ABTB2: variants seen among roughly 807,000 people sequenced by gnomAD.
The protein encoded by ABTB2 is ankyrin repeat and BTB/POZ domain-containing protein 2.
A neutral mutation model predicts 104.1 loss-of-function variants in ABTB2; 56 were observed. The ratio of observed to expected loss-of-function variants is 0.54; its 90% CI spans 0.43 to 0.67. ABTB2 has a LOEUF of 0.67. Ranked by LOEUF, ABTB2 falls within the 30% of genes least tolerant of loss-of-function variation. The pLI, the probability that ABTB2 is intolerant of heterozygous loss-of-function variation, is 0.00. For missense variants in ABTB2, 1,279 were observed against 1,407.7 expected, an observed-to-expected ratio of 0.91 and a Z score of 1.46; for synonymous variants, 606 against 608.2, an observed-to-expected ratio of 1.00 and a Z score of 0.05.
intron 1 of ABTB2, among the ~76,000 whole-genome samples, chr11:34,275,961 T>C (rs1041159556): frequency 2.0e-5 from 3 of 152,144 alleles, no homozygotes; most frequent in South Asian, 2.1e-4. Flanking sequence ...TGCTAGACGG[T>C]AGAGAGGCTC....
chr11:34,218,618 G>C (rs926056256), intron 1 of ABTB2, among the ~76,000 whole-genome samples: 3 of 152,034 alleles, frequency 2.0e-5, no homozygotes, highest in African/African-American at 7.2e-5. Flanking sequence ...GGGAGGCTGA[G>C]GTGGGCAGAT....
chr11:34,356,853 G>T lies in ABTB2; in HGVS notation c.731C>A (p.Ala244Asp). 1 of 1,605,256 alleles carries T rather than the reference G, an allele frequency of 6.2e-7. No homozygotes were observed. The change falls in exon 1 of 17, where the codon GCC becomes GAC. Residue 244 changes from alanine to aspartate, a missense_variant. Transcript: ENST00000435224. This position sits in a 1 kb window ranked among gnomAD's most constrained non-coding sequence, Gnocchi z 4.6. Reference protein sequence around the residue: ...CMENLVEEIRARVMASHSPDG... With the variant: ...CMENLVEEIRDRVMASHSPDG... ...AGGGCTGTGGCTGGCCATCACCCTG[G>T]CCCGGATCTCCTCCACCAGGTTCTC...
At position 34,210,422 on chromosome 11, in the gene ABTB2, A is replaced by G. The variant is rs75940916; in HGVS notation, c.884-5732T>C. 1.4e-3 allele frequency among the ~76,000 whole-genome samples: 210 copies of G among 152,296 alleles called. 1 individual carries two copies. Among genetic ancestry groups the G allele is most frequent in the African/African-American group, 4.6e-3 (191 of 41,546 alleles). The stretch of plus-strand genomic sequence containing the variant: ...TGGTTTAATTTCCTCCAGAGCTATA[A>G]CACCACCACTTTCCCCCATATACAC... On this transcript the variant is annotated intron_variant, in intron 1 of 16. Transcript: ENST00000435224.
At chr11:34,158,003 G>T (rs543919807) in intron 14 of ABTB2, among the ~76,000 whole-genome samples, 1 of 152,204 alleles carries the variant, frequency 6.6e-6, no homozygotes, top group Non-Finnish European at 1.5e-5. Flanking sequence ...ACCAAGAGGG[G>T]ATAATAACAT....
At chr11:34,271,014 G>A (rs1037303623) in intron 1 of ABTB2, among the ~76,000 whole-genome samples, 11 of 152,112 alleles carry the variant, frequency 7.2e-5, no homozygotes, top group African/African-American at 2.4e-4. Flanking sequence ...CCAGAGGTGG[G>A]GATGGGTGGG....
At chr11:34,333,097 C>G (rs1855151897) in intron 1 of ABTB2, among the ~76,000 whole-genome samples, 1 of 152,118 alleles carries the variant, frequency 6.6e-6, no homozygotes, top group Non-Finnish European at 1.5e-5. Flanking sequence ...CTAATCCAAC[C>G]CTATAGCACA....
chr11:34,346,983 G>A (rs1855339747), intron 1 of ABTB2, among the ~76,000 whole-genome samples: 1 of 152,236 alleles, frequency 6.6e-6, no homozygotes, highest in East Asian at 1.9e-4. Context: ...GGCCTCAACT[G>A]TAGGGAGGGT....
intron 1 of ABTB2, among the ~76,000 whole-genome samples, chr11:34,285,526 G>A (rs1291528093): frequency 6.6e-6 from 1 of 152,080 alleles, no homozygotes; most frequent in Non-Finnish European, 1.5e-5. Context: ...CACCTCAAAA[G>A]GTTTGTAGTT....
chr11:34,270,340 CTTT>C (rs35884906), intron 1 of ABTB2, among the ~76,000 whole-genome samples: 9 of 137,380 alleles, frequency 6.6e-5, no homozygotes, highest in Admixed American at 1.5e-4. Context: ...GACGGTTTTC[CTTT>C]TTTTTTTTTT....
intron 1 of ABTB2, among the ~76,000 whole-genome samples, chr11:34,299,777 A>G (rs562100871): frequency 6.6e-6 from 1 of 152,214 alleles, no homozygotes; most frequent in Non-Finnish European, 1.5e-5. Flanking sequence ...TTACATTAGA[A>G]ATAAGAGGGC....
At chr11:34,246,428 T>A (rs542451534) in intron 1 of ABTB2, among the ~76,000 whole-genome samples, 1 of 151,802 alleles carries the variant, frequency 6.6e-6, no homozygotes, top group East Asian at 1.9e-4. Context: ...ATGGAGAAAC[T>A]CTGTCTTTAC....
intron 1 of ABTB2, among the ~76,000 whole-genome samples, chr11:34,341,905 T>C (rs72916714): frequency 0.092 from 14,044 of 152,226 alleles, 841 homozygotes; most frequent in Non-Finnish European, 0.13. Flanking sequence ...CCCATTTTCC[T>C]CCCTTTAAGG....
chr11:34,354,196 A>G (rs1374443547), intron 1 of ABTB2, among the ~76,000 whole-genome samples: 1 of 152,138 alleles, frequency 6.6e-6, no homozygotes, highest in Non-Finnish European at 1.5e-5. Context: ...CCGAGAAGGT[A>G]CAGAGGGAGA....
At chr11:34,320,682 C>A (rs1045580027) in intron 1 of ABTB2, among the ~76,000 whole-genome samples, 1 of 152,192 alleles carries the variant, frequency 6.6e-6, no homozygotes. Context: ...TGTCGTGTGT[C>A]CACATTAGAC....
intron 4 of ABTB2, 94 bp downstream of exon 4, chr11:34,173,061 C>A: frequency 1.3e-6 from 2 of 1,519,066 alleles, no homozygotes; most frequent in East Asian, 2.3e-5. Context: ...TGCTCTCTGA[C>A]CCCCGCCCAG....
intron 1 of ABTB2, among the ~76,000 whole-genome samples, chr11:34,265,537 G>A (rs1344701494): frequency 1.3e-5 from 2 of 152,036 alleles, no homozygotes; most frequent in African/African-American, 2.4e-5. Flanking sequence ...GTACATGCCT[G>A]TAATCCCAGC....
intron 1 of ABTB2, among the ~76,000 whole-genome samples, chr11:34,318,193 T>C (rs985703586): frequency 6.6e-6 from 1 of 152,196 alleles, no homozygotes; most frequent in Non-Finnish European, 1.5e-5. Context: ...AGTCTCAAAC[T>C]CCTGACCTCA....
rs933588277 is a variant in ABTB2 at position 34,204,527 on chromosome 11, A to T, written c.1030+17T>A. ...CCGTTGCTCTACCATCCAGCTAGACACTGAGGCCACACTTACTCAGCTCCG... is the reference window on the plus strand; with the variant it reads ...CCGTTGCTCTACCATCCAGCTAGACTCTGAGGCCACACTTACTCAGCTCCG... On this transcript the variant is annotated intron_variant, in intron 2 of 16. Coordinates refer to ENST00000435224, the MANE Select transcript of ABTB2 (RefSeq NM_145804.3). 4.4e-6 allele frequency: 7 copies of T among 1,587,518 alleles called. No individual in the cohort carries two copies. The Admixed American group carries it at 1.2e-4, about 28-fold the overall frequency.
At chr11:34,278,188 TA>T (rs796960513) in intron 1 of ABTB2, among the ~76,000 whole-genome samples, 17 of 147,088 alleles carry the variant, frequency 1.2e-4, no homozygotes, top group Admixed American at 2.7e-4. Flanking sequence ...ACAAAAAAAC[TA>T]AAAAAAAAAG....
Sources: allele counts gnomAD v4.1 joint callset (sites outside exome capture counted in the v4.1 genomes callset), GRCh38; gene constraint gnomAD v4.1.1; non-coding constraint Gnocchi (gnomAD v3.1); transcripts MANE v1.5; gene names NCBI Gene and HGNC (gene_info 2026-07-23, HGNC 2026-07-21).